The following SGCZ variants were observed in gnomAD, a reference collection of about 807,000 sequenced individuals.
SGCZ encodes zeta-sarcoglycan.
Under a neutral mutation model 41.3 loss-of-function variants are expected in SGCZ, and 40 were observed. The ratio of observed to expected loss-of-function variants is 0.97; its 90% confidence interval spans 0.75 to 1.26. The LOEUF is 1.26. Ranked by LOEUF, SGCZ falls within the 50% of genes most tolerant of loss-of-function variation. SGCZ has a pLI of 0.00. For missense variants in SGCZ, 552 were observed against 369.8 expected (o/e 1.49, Z -4.04); for synonymous variants, 206 against 137.5 (o/e 1.50, Z -3.49).
intron 1 of SGCZ, among the ~76,000 whole-genome samples, chr8:15,206,495 G>A (rs889091517): frequency 6.8e-6 from 1 of 146,398 alleles, no homozygotes; most frequent in East Asian, 2.1e-4. Flanking sequence ...CTTCGACCCA[G>A]GCTGCAGTAC....
chr8:14,925,122 T>C (rs530061532), intron 1 of SGCZ, among the ~76,000 whole-genome samples: 1 of 152,300 alleles, frequency 6.6e-6, no homozygotes, highest in South Asian at 2.1e-4. Context: ...CCTCCCAAAG[T>C]GCTGGGATTA....
chr8:14,312,850 A>G (rs1245701454), intron 3 of SGCZ, among the ~76,000 whole-genome samples: 9 of 152,178 alleles, frequency 5.9e-5, no homozygotes, highest in Non-Finnish European at 5.9e-5. Flanking sequence ...TTAAAGAAAA[A>G]CTACACAGCA....
intron 3 of SGCZ, among the ~76,000 whole-genome samples, chr8:14,301,012 T>C (rs1801166177): frequency 6.6e-6 from 1 of 151,896 alleles, no homozygotes; most frequent in Non-Finnish European, 1.5e-5. Flanking sequence ...ATGAGTAAGA[T>C]TCGACACCCC....
chr8:14,281,898 C>G (rs1800456223), intron 3 of SGCZ, among the ~76,000 whole-genome samples: 1 of 151,886 alleles, frequency 6.6e-6, no homozygotes, highest in Admixed American at 6.6e-5. Context: ...CCTCAATGTG[C>G]CTCAAACGAT....
chr8:14,970,669 T>A (rs1371063933), intron 1 of SGCZ, among the ~76,000 whole-genome samples: 1 of 152,168 alleles, frequency 6.6e-6, no homozygotes. Context: ...AATTTATCTA[T>A]CTTTGTACTA....
At chr8:14,155,085 A>G (rs1039172101) in intron 5 of SGCZ, among the ~76,000 whole-genome samples, 1 of 152,228 alleles carries the variant, frequency 6.6e-6, no homozygotes, top group African/African-American at 2.4e-5. Flanking sequence ...CTAGAAAACC[A>G]TCTGTTCCAG....
chr8:14,503,367 G>C (rs1802210298), intron 2 of SGCZ, among the ~76,000 whole-genome samples: 1 of 152,090 alleles, frequency 6.6e-6, no homozygotes, highest in African/African-American at 2.4e-5. Flanking sequence ...GATGAGTGCA[G>C]AAACCACCAT....
At chr8:14,293,740 T>C (rs1800921571) in intron 3 of SGCZ, among the ~76,000 whole-genome samples, 2 of 151,902 alleles carry the variant, frequency 1.3e-5, no homozygotes, top group African/African-American at 4.8e-5. Flanking sequence ...AGATGTAGAA[T>C]TCTTTTCTAA....
chr8:14,591,742 T>A (rs1452028958), intron 1 of SGCZ, among the ~76,000 whole-genome samples: 1 of 152,126 alleles, frequency 6.6e-6, no homozygotes, highest in Admixed American at 6.5e-5. Context: ...GAAAGTTAAA[T>A]AAGCTAGAGA....
chr8:14,166,444 A>C (rs941149562), intron 4 of SGCZ, among the ~76,000 whole-genome samples: 2 of 152,150 alleles, frequency 1.3e-5, no homozygotes, highest in African/African-American at 4.8e-5. Context: ...ATGTTCAAAA[A>C]ACTGTGCCAG....
intron 2 of SGCZ, among the ~76,000 whole-genome samples, chr8:14,392,680 A>G (rs921296250): frequency 6.6e-6 from 1 of 152,184 alleles, no homozygotes; most frequent in Non-Finnish European, 1.5e-5. Flanking sequence ...TGAATACTAT[A>G]TCCATATAAA....
chr8:14,715,474 T>A (rs940147241), intron 1 of SGCZ, among the ~76,000 whole-genome samples: 1 of 151,750 alleles, frequency 6.6e-6, no homozygotes, highest in African/African-American at 2.4e-5. Flanking sequence ...GTACCATAAC[T>A]TCAACCTGTA....
chr8:14,745,084 C>G (rs939514357), intron 1 of SGCZ, among the ~76,000 whole-genome samples: 3 of 152,042 alleles, frequency 2.0e-5, no homozygotes, highest in Non-Finnish European at 2.9e-5. Flanking sequence ...ATTTTTCATC[C>G]TCTCCTTCCA....
chr8:15,160,834 C>T (rs1475163851), intron 1 of SGCZ, among the ~76,000 whole-genome samples: 1 of 152,148 alleles, frequency 6.6e-6, no homozygotes, highest in Non-Finnish European at 1.5e-5. Flanking sequence ...GTCTATGCCT[C>T]CATTCTGTCT....
intron 1 of SGCZ, among the ~76,000 whole-genome samples, chr8:14,693,731 C>T (rs1330520082): frequency 2.0e-5 from 3 of 151,730 alleles, no homozygotes; most frequent in Non-Finnish European, 4.4e-5. Flanking sequence ...GCTGGGACTA[C>T]AGGCGCCTGC....
At chr8:14,141,528 A>G (rs1172684343) in intron 5 of SGCZ, among the ~76,000 whole-genome samples, 1 of 152,238 alleles carries the variant, frequency 6.6e-6, no homozygotes, top group East Asian at 1.9e-4. Context: ...CACTTCTCAA[A>G]AGAAGACATT....
At chr8:14,906,012 A>G (rs1406792354) in intron 1 of SGCZ, among the ~76,000 whole-genome samples, 2 of 152,094 alleles carry the variant, frequency 1.3e-5, no homozygotes, top group African/African-American at 4.8e-5. Flanking sequence ...AATTACAAAT[A>G]TATAAAGTAT....
At chr8:15,029,419 C>T (rs1390597858) in intron 1 of SGCZ, among the ~76,000 whole-genome samples, 1 of 151,962 alleles carries the variant, frequency 6.6e-6, no homozygotes, top group East Asian at 1.9e-4. Context: ...TGTGTGTGTG[C>T]ATGTTCATGC....
chr8:15,076,392 A>T (rs1805531866), intron 1 of SGCZ, among the ~76,000 whole-genome samples: 2 of 152,172 alleles, frequency 1.3e-5, no homozygotes, highest in African/African-American at 4.8e-5. Flanking sequence ...AGAAAAGGAG[A>T]GAAAACTGTG....
Sources: gnomAD v4.1 joint callset for allele counts (sites outside exome capture counted in the v4.1 genomes callset) on GRCh38, gnomAD v4.1.1 for gene constraint, MANE v1.5 for transcripts, NCBI Gene and HGNC (gene_info 2026-07-23, HGNC 2026-07-21) for gene names.